PELP1: variants seen among roughly 807,000 people sequenced by gnomAD.
PELP1 encodes the protein proline, glutamate and leucine rich protein 1.
PELP1 carries 32 observed loss-of-function variants against 95.5 expected under a neutral mutation model. That is an observed-to-expected ratio of 0.34 (90% CI 0.25 to 0.45). PELP1 has a LOEUF of 0.45. Ranked by LOEUF, PELP1 falls within the 20% of genes least tolerant of loss-of-function variation. The probability of loss-of-function intolerance (pLI) is 1.00; values close to 1 mark genes in which losing one functional copy is unlikely to be tolerated. For missense variants in PELP1, 1,358 were observed against 1,444.8 expected, an observed-to-expected ratio of 0.94 and a Z score of 0.97; for synonymous variants, 668 against 600.1, an observed-to-expected ratio of 1.11 and a Z score of -1.65.
At position 4,675,418 on chromosome 17, in the gene PELP1, G is replaced by A. The variant is rs1476813025; in HGVS notation, c.1069-56C>T. On this transcript the variant is annotated intron_variant, in intron 9 of 16. Coordinates refer to ENST00000572293, the MANE Select transcript of PELP1 (RefSeq NM_014389.3). This position sits in a 1 kb window ranked among gnomAD's most constrained non-coding sequence, Gnocchi z 4.3. ...GGAGGAAGAAAGTGAGAGCCAGAGA[G>A]AGACAGAAACAGGGAATGACCATTT... is the stretch of plus-strand genomic sequence containing the variant. 7.1e-6 allele frequency: 8 copies of A among 1,123,082 alleles called. No individual in the cohort carries two copies. Among genetic ancestry groups the A allele is most frequent in the Admixed American group, 2.0e-5 (1 of 50,444 alleles). The allele number at this position is 1,123,082 out of a possible 1,614,324, so 69.6% of individuals were successfully genotyped here. A position where few individuals can be genotyped will look rare whatever the true frequency, so the allele number is the denominator to read the frequency against.
At chr17:4,674,371 T>C (rs1308697899) in intron 13 of PELP1, 139 bp downstream of exon 13, 2 of 721,094 alleles carry the variant, frequency 2.8e-6, no homozygotes, top group African/African-American at 1.8e-5. Flanking sequence ...GGATCACTTA[T>C]CGCAGTGGAC....
At chr17:4,686,046 G>A (rs982533863) in intron 3 of PELP1, among the ~76,000 whole-genome samples, 2 of 151,986 alleles carry the variant, frequency 1.3e-5, no homozygotes, top group Admixed American at 6.6e-5. Flanking sequence ...GCAGTGAGCC[G>A]AGACCGCGCC....
At chr17:4,699,167 CAGGAGAT>C (rs1913421424) in intron 1 of PELP1, among the ~76,000 whole-genome samples, 1 of 152,234 alleles carries the variant, frequency 6.6e-6, no homozygotes, top group South Asian at 2.1e-4. Flanking sequence ...ATCACGAGGT[CAGGAGAT>C]TGAGACCGTC....
At chr17:4,687,525 TCTTCAACTAGAA>T (rs1020750772) in intron 3 of PELP1, among the ~76,000 whole-genome samples, 9 of 144,308 alleles carry the variant, frequency 6.2e-5, no homozygotes, top group Admixed American at 6.2e-4. Context: ...AAAAAAAGTA[TCTTCAACTAGAA>T]CAGGAATCAG....
chr17:4,687,919 A>G (rs1912964507), intron 3 of PELP1, among the ~76,000 whole-genome samples: 1 of 152,264 alleles, frequency 6.6e-6, no homozygotes, highest in South Asian at 2.1e-4. Context: ...TATACTGAAC[A>G]GGGAAAAGTT....
chr17:4,674,040 T>A (rs1031464941), intron 13 of PELP1, among the ~76,000 whole-genome samples: 1 of 152,180 alleles, frequency 6.6e-6, no homozygotes, highest in African/African-American at 2.4e-5. Flanking sequence ...GACAGGTCAG[T>A]GGTTACGGTG....
chr17:4,676,269 A>G (rs1912471774), intron 7 of PELP1, 88 bp downstream of exon 7: 2 of 1,575,388 alleles, frequency 1.3e-6, no homozygotes, highest in Admixed American at 1.7e-5. Context: ...CCAAAAACCA[A>G]CTGCCCCATG....
Position 4,703,909 on chromosome 17 carries a change from C to T in PELP1, c.203G>A (p.Gly68Glu). The T allele has an allele frequency of 1.2e-6, 2 of 1,613,484 alleles. No homozygotes were observed. The highest frequency in any genetic ancestry group is 1.7e-6 in the Non-Finnish European group (2 of 1,179,720). The change falls in exon 1 of 17, where the codon GGG becomes GAG. Residue 68 changes from glycine to glutamate, a missense_variant. Physicochemically the swap from Gly to Glu is moderately conservative, Grantham distance 98. This residue lies in a region of PELP1 where 169 missense variants were observed against 134.9 expected (regional missense o/e 1.25). Coordinates refer to ENST00000572293, the MANE Select transcript of PELP1 (RefSeq NM_014389.3). ...PPNRSAPHLPGLMCLLRLHGS... is the reference protein window; with the variant it reads ...PPNRSAPHLPELMCLLRLHGS... ...ATGCAGCCGCAATAGGCACATGAGC[C>T]CGGGCAAATGTGGGGCCGAGCGGTT...
At chr17:4,688,814 CA>C (rs1346385700) in intron 3 of PELP1, among the ~76,000 whole-genome samples, 2 of 152,110 alleles carry the variant, frequency 1.3e-5, no homozygotes, top group African/African-American at 4.8e-5. Flanking sequence ...ACCAAAATAC[CA>C]CCATCATTCT....
At position 4,670,413 on chromosome 17, in the gene PELP1, GA is replaced by G. The variant is rs1272002022; in HGVS notation, c.*1025del. 3.3e-5 allele frequency: 5 copies of G among 152,200 alleles called. No individual in the cohort carries two copies. The highest frequency in any genetic ancestry group is 3.3e-4 in the Admixed American group (5 of 15,274). The allele number at this position is 152,200 out of a possible 1,614,324, so 9.4% of individuals were successfully genotyped here. ...TCCATCCCAGCAAGGCCTAGAATAGGATTAGTGCTTAAAGAAAAGACACTGG... is the reference window on the plus strand; with the variant it reads ...TCCATCCCAGCAAGGCCTAGAATAGGTTAGTGCTTAAAGAAAAGACACTGG... On this transcript the variant is annotated 3_prime_UTR_variant, in exon 17 of 17. Coordinates refer to ENST00000572293, the MANE Select transcript of PELP1 (RefSeq NM_014389.3).
At chr17:4,679,471 T>G (rs1399191619) in intron 5 of PELP1, among the ~76,000 whole-genome samples, 5 of 152,216 alleles carry the variant, frequency 3.3e-5, no homozygotes, top group African/African-American at 1.2e-4. Context: ...TCTCCTTAAC[T>G]CTTACTATTC....
chr17:4,674,993 G>A, intron 11 of PELP1, 37 bp from the exon 12 acceptor site: 3 of 1,605,324 alleles, frequency 1.9e-6, no homozygotes, highest in Non-Finnish European at 2.6e-6. Context: ...ATGAATGGGG[G>A]GTCAACATGC....
chr17:4,682,824 G>A lies in PELP1; in HGVS notation c.549C>T (p.Ser183=), dbSNP rs775511756. The A allele has an allele frequency of 8.8e-6, 14 of 1,592,488 alleles. No homozygotes were observed. The highest frequency in any genetic ancestry group is 4.3e-6 in the Non-Finnish European group (5 of 1,171,132). ...TCACCTCTGGCCTGAGGCCCAGCAGGGAGGTGAGAAGGCCAGGGAGGTGGT... is the reference window on the plus strand; with the variant it reads ...TCACCTCTGGCCTGAGGCCCAGCAGAGAGGTGAGAAGGCCAGGGAGGTGGT... ...SMNHLPGLLT[S]LLGLRPECEQ... is the part of the protein sequence containing the mutation. The change falls in exon 4 of 17, where the codon TCC becomes TCT. Residue 183 remains serine (S), a synonymous_variant. Coordinates refer to ENST00000572293, the MANE Select transcript of PELP1 (RefSeq NM_014389.3).
Position 4,676,089 on chromosome 17 carries a change from G to T in PELP1, c.927C>A (p.Leu309=). The part of the protein sequence containing the change: ...SSEDGDAHVL[L]QLRQRFSGLA... Reference sequence around the variant, plus strand: ...GTCCCGAAAACCTCTGCCGAAGCTGGAGAAGGACATGGGCATCACCATCTT... The same window carrying T: ...GTCCCGAAAACCTCTGCCGAAGCTGTAGAAGGACATGGGCATCACCATCTT... The change falls in exon 8 of 17, where the codon CTC becomes CTA. Residue 309 remains leucine, a synonymous_variant. Coordinates refer to ENST00000572293, the MANE Select transcript of PELP1 (RefSeq NM_014389.3). The T allele has an allele frequency of 6.2e-7, 1 of 1,614,022 alleles. No individual in the cohort carries two copies. Among genetic ancestry groups the T allele is most frequent in the Non-Finnish European group, 8.5e-7 (1 of 1,179,898 alleles).
Position 4,673,068 on chromosome 17 carries a change from C to T in PELP1, c.1923G>A (p.Met641Ile), listed in dbSNP as rs1243935668. ...GAGCAGGTGTGGGGCAGGTGGGGCC[C>T]ATGGGCTGCAGGGGAGGAACCCGGG... is the stretch of plus-strand genomic sequence containing the variant. Reference protein sequence around the residue: ...THPRVPPLQPMGPTCPTPAPV... With the variant: ...THPRVPPLQPIGPTCPTPAPV... Residue 641 changes from methionine to isoleucine, a missense_variant, in exon 16 of 17, where the codon ATG becomes ATA. Around this residue, in one of 7 missense-constraint regions of PELP1, gnomAD observed 340 missense variants for 322.9 expected, o/e 1.05. Transcript: ENST00000572293. The surrounding 1 kb of genome is among the most constrained non-coding windows in gnomAD (Gnocchi z 5.7). 1.3e-6 allele frequency: 2 copies of T among 1,526,176 alleles called. No individual in the cohort carries two copies. Among genetic ancestry groups the T allele is most frequent in the Non-Finnish European group, 1.8e-6 (2 of 1,139,670 alleles). The allele number at this position is 1,526,176 out of a possible 1,614,324, so 94.5% of individuals were successfully genotyped here.
In PELP1 at chr17:4,671,158, C is replaced by T. The variant is rs1337229659; in HGVS notation, c.*281G>A. On this transcript the variant is annotated 3_prime_UTR_variant, in exon 17 of 17. Coordinates refer to ENST00000572293, the MANE Select transcript of PELP1 (RefSeq NM_014389.3). ...ATAACTCCTCATTCTTAACCCTACA[C>T]ACAATTCTGCACGTTTAGCATCCAG... The T allele has an allele frequency of 4.1e-6, 2 of 487,478 alleles. No homozygotes were observed. The highest frequency in any genetic ancestry group is 3.6e-5 in the East Asian group (1 of 27,612). The allele number at this position is 487,478 out of a possible 1,614,324, so 30.2% of individuals were successfully genotyped here. A position where few individuals can be genotyped will look rare whatever the true frequency, so the allele number is the denominator to read the frequency against.
Position 4,673,053 on chromosome 17 carries a change from G to A in PELP1, c.1938C>T (p.Pro646=). ...PPLQPMGPTC[P]TPAPVPPPEA... The stretch of plus-strand genomic sequence containing the variant: ...CAGGAGGGGGAACTGGAGCAGGTGT[G>A]GGGCAGGTGGGGCCCATGGGCTGCA... Residue 646 remains proline, a synonymous_variant, in exon 16 of 17, where the codon CCC becomes CCT. Coordinates refer to ENST00000572293, the MANE Select transcript of PELP1 (RefSeq NM_014389.3). This position sits in a 1 kb window ranked among gnomAD's most constrained non-coding sequence, Gnocchi z 5.7. The A allele has an allele frequency of 6.5e-7, 1 of 1,529,894 alleles. No homozygotes were observed. Among genetic ancestry groups the A allele is most frequent in the Non-Finnish European group, 8.8e-7 (1 of 1,141,532 alleles). The allele number at this position is 1,529,894 out of a possible 1,614,324, so 94.8% of individuals were successfully genotyped here.
intron 16 of PELP1, 42 bp from the exon 17 acceptor site, chr17:4,671,573 A>G: frequency 6.2e-7 from 1 of 1,611,662 alleles, no homozygotes; most frequent in Non-Finnish European, 8.5e-7. Flanking sequence ...AGTCACACAC[A>G]CATACACAGA....
At chr17:4,671,643 C>A in intron 16 of PELP1, 48 bp downstream of exon 16, 2 of 1,601,204 alleles carry the variant, frequency 1.2e-6, no homozygotes, top group South Asian at 2.2e-5. Flanking sequence ...CCTTCTCCCG[C>A]CAGCCCCACC....
Sources: gnomAD v4.1 joint callset for allele counts (sites outside exome capture counted in the v4.1 genomes callset) on GRCh38, gnomAD v4.1.1 for gene constraint, gnomAD v4.1.1 regional missense constraint, Gnocchi (gnomAD v3.1) non-coding constraint, MANE v1.5 for transcripts, NCBI Gene and HGNC (gene_info 2026-07-23, HGNC 2026-07-21) for gene names.